The following ADAM12 variants were observed in gnomAD, a reference collection of about 807,000 sequenced individuals.
The protein encoded by ADAM12 is ADAM metallopeptidase domain 12, also known as disintegrin and metalloproteinase domain-containing protein 12.
In ADAM12, 70 loss-of-function variants were observed where a neutral mutation model predicts 106.4. The ratio of observed to expected loss-of-function variants is 0.66; its 90% confidence interval spans 0.54 to 0.80. The LOEUF (loss-of-function observed/expected upper bound fraction) is 0.80, where lower values mean the gene tolerates loss of function less well. ADAM12 is among the 30% of genes least tolerant of loss of function. ADAM12 has a pLI of 0.00. For missense variants in ADAM12, 1,010 were observed against 1,171.9 expected, an observed-to-expected ratio of 0.86 and a Z score of 2.02; for synonymous variants, 420 against 433.5, an observed-to-expected ratio of 0.97 and a Z score of 0.39.
intron 3 of ADAM12, among the ~76,000 whole-genome samples, chr10:126,229,281 T>C (rs546351711): frequency 1.3e-5 from 2 of 152,250 alleles, no homozygotes; most frequent in Admixed American, 1.3e-4. Flanking sequence ...TTAATTTGCC[T>C]TTTGAGAAAA....
intron 4 of ADAM12, among the ~76,000 whole-genome samples, chr10:126,143,622 T>C (rs1325196780): frequency 1.6e-5 from 2 of 128,560 alleles, no homozygotes; most frequent in African/African-American, 5.5e-5. Context: ...TGGGGGTGCG[T>C]GGGTGTGTGT....
At chr10:126,356,644 C>T (rs1241202716) in intron 1 of ADAM12, among the ~76,000 whole-genome samples, 1 of 152,148 alleles carries the variant, frequency 6.6e-6, no homozygotes, top group Non-Finnish European at 1.5e-5. Context: ...ATGAACCCTA[C>T]AGAAATGGAT....
rs1287567445 is a variant in ADAM12 at position 126,064,619 on chromosome 10, C to T, written c.1609+187G>A. The T allele has an allele frequency of 9.8e-6, 6 of 614,784 alleles. No homozygotes were observed. The Admixed American group carries it at 1.8e-4, about 19-fold the overall frequency. 38.1% of individuals were successfully genotyped at this position (614,784 alleles called of 1,614,324 possible). On this transcript the variant is annotated intron_variant, in intron 14 of 22. Coordinates refer to ENST00000448723, the MANE Select transcript of ADAM12 (RefSeq NM_001288973.2). This position sits in a 1 kb window ranked among gnomAD's most constrained non-coding sequence, Gnocchi z 4.4. ...GCTCCAGGCAGTGTCCATTTCTGTG[C>T]ACCCCATGCCCAGTGCGGCCTCAGA...
intron 6 of ADAM12, among the ~76,000 whole-genome samples, chr10:126,113,717 T>A (rs866810761): frequency 1.3e-4 from 7 of 55,712 alleles, no homozygotes; most frequent in East Asian, 8.2e-4. Context: ...TATATATATA[T>A]ATATATATAT....
At chr10:126,138,312 A>G (rs1017403159) in intron 4 of ADAM12, among the ~76,000 whole-genome samples, 13 of 152,108 alleles carry the variant, frequency 8.5e-5, no homozygotes, top group African/African-American at 2.4e-4. Flanking sequence ...CTTATTAGAT[A>G]TATGATTTAC....
chr10:126,333,497 G>A (rs751878077), intron 1 of ADAM12, among the ~76,000 whole-genome samples: 2 of 152,186 alleles, frequency 1.3e-5, no homozygotes, highest in Non-Finnish European at 2.9e-5. Context: ...CGTGAAATCC[G>A]GGTCTTCTAG....
chr10:126,134,513 T>C (rs1184156494), intron 5 of ADAM12, among the ~76,000 whole-genome samples: 1 of 152,206 alleles, frequency 6.6e-6, no homozygotes, highest in African/African-American at 2.4e-5. Context: ...GAGGAATAGC[T>C]TTGTGTACTT....
intron 11 of ADAM12, among the ~76,000 whole-genome samples, chr10:126,085,981 A>T (rs1955332486): frequency 6.6e-6 from 1 of 152,108 alleles, no homozygotes; most frequent in African/African-American, 2.4e-5. Context: ...GTGCCTGGGG[A>T]GAGGAGGAAG....
In ADAM12 at chr10:126,202,249, A is replaced by G. The variant is rs1219799112; in HGVS notation, c.261-46944T>C. 5.9e-5 allele frequency among the ~76,000 whole-genome samples: 9 copies of G among 152,394 alleles called. No individual in the cohort carries two copies. In the East Asian group the frequency reaches 1.7e-3, roughly 29 times the overall value. ...ACTTTTGCTTTATTTCAAGATCTTTAGAAAAATAAACAGGGCATACCATAA... is the reference window on the plus strand; with the variant it reads ...ACTTTTGCTTTATTTCAAGATCTTTGGAAAAATAAACAGGGCATACCATAA... On this transcript the variant is annotated intron_variant, in intron 3 of 22. Transcript: ENST00000448723.
At chr10:126,321,911 G>GGC (rs1174155677) in intron 2 of ADAM12, among the ~76,000 whole-genome samples, 2 of 141,010 alleles carry the variant, frequency 1.4e-5, no homozygotes, top group South Asian at 2.7e-4. Context: ...GGGTCGGGGG[G>GGC]GGGGCTTCAG....
chr10:126,172,799 C>T (rs1167183775), intron 3 of ADAM12, among the ~76,000 whole-genome samples: 1 of 152,204 alleles, frequency 6.6e-6, no homozygotes, highest in East Asian at 1.9e-4. Context: ...TATAAAGACA[C>T]ATGCACACGT....
chr10:126,110,134 C>G lies in ADAM12; in HGVS notation c.604-294G>C, dbSNP rs3816650. Among the ~76,000 whole-genome samples the G allele has an allele frequency of 3.1e-3, 467 of 152,154 alleles. 13 individuals carry two copies. The East Asian group carries it at 0.071, about 23-fold the overall frequency. On this transcript the variant is annotated intron_variant, in intron 6 of 22. Coordinates refer to ENST00000448723, the MANE Select transcript of ADAM12 (RefSeq NM_001288973.2). Reference sequence around the variant, plus strand: ...AGCAAATCAAGATTATTAAACAAAACGAGCACATAAACAAACAAAACCAAA... The same window carrying G: ...AGCAAATCAAGATTATTAAACAAAAGGAGCACATAAACAAACAAAACCAAA...
chr10:126,046,624 G>A (rs914986199), intron 16 of ADAM12, among the ~76,000 whole-genome samples: 1 of 151,474 alleles, frequency 6.6e-6, no homozygotes, highest in Non-Finnish European at 1.5e-5. Context: ...AAAACATGGT[G>A]AAACCCTGTC....
At chr10:126,063,743 G>C (rs1954806332) in intron 14 of ADAM12, among the ~76,000 whole-genome samples, 1 of 152,190 alleles carries the variant, frequency 6.6e-6, no homozygotes, top group Non-Finnish European at 1.5e-5. Flanking sequence ...TTTCACGGTT[G>C]GACTCCTGGG....
At chr10:126,250,828 C>T (rs544860252) in intron 3 of ADAM12, among the ~76,000 whole-genome samples, 15 of 152,270 alleles carry the variant, frequency 9.9e-5, no homozygotes, top group Non-Finnish European at 1.9e-4. Flanking sequence ...CAATCTTATT[C>T]GTATTTCTAA....
chr10:126,065,032 C>A, intron 13 of ADAM12, 31 bp from the exon 14 acceptor site: 3 of 1,581,414 alleles, frequency 1.9e-6, no homozygotes, highest in African/African-American at 1.3e-5. Flanking sequence ...ATGACACATG[C>A]ACCCGGGGAA....
intron 3 of ADAM12, among the ~76,000 whole-genome samples, chr10:126,218,176 G>A (rs1458442815): frequency 6.6e-6 from 1 of 151,674 alleles, no homozygotes; most frequent in Non-Finnish European, 1.5e-5. Context: ...TGTTGAGTGT[G>A]TGTGTGGGGG....
At chr10:126,275,248 C>T (rs1311092947) in intron 3 of ADAM12, among the ~76,000 whole-genome samples, 2 of 152,108 alleles carry the variant, frequency 1.3e-5, no homozygotes, top group Non-Finnish European at 2.9e-5. Context: ...GATACAATTT[C>T]ACAGAATACC....
In ADAM12 at chr10:126,113,729, T is replaced by C. The variant is rs540057540; in HGVS notation, c.604-3889A>G. Among the ~76,000 whole-genome samples, 5 of 31,856 alleles carry C rather than the reference T, an allele frequency of 1.6e-4. No homozygotes were observed. In the East Asian group the frequency reaches 7.4e-3, roughly 47 times the overall value. The allele number at this position is 31,856 out of a possible 152,430, so 20.9% of individuals were successfully genotyped here. A position where few individuals can be genotyped will look rare whatever the true frequency, so the allele number is the denominator to read the frequency against. On this transcript the variant is annotated intron_variant, in intron 6 of 22. Coordinates refer to ENST00000448723, the MANE Select transcript of ADAM12 (RefSeq NM_001288973.2). The stretch of plus-strand genomic sequence containing the variant: ...ATATATATATATATATATATATATA[T>C]ATAATATATTGCTCTGGCTACTGGA...
Sources: gnomAD v4.1 joint callset for allele counts (sites outside exome capture counted in the v4.1 genomes callset) on GRCh38, gnomAD v4.1.1 for gene constraint, Gnocchi (gnomAD v3.1) non-coding constraint, MANE v1.5 for transcripts, NCBI Gene and HGNC (gene_info 2026-07-23, HGNC 2026-07-21) for gene names.